GAN: variants seen among roughly 807,000 people sequenced by gnomAD.
The protein encoded by GAN is gigaxonin, also known as epididymis secretory sperm binding protein.
GAN carries 48 observed loss-of-function variants against 71.3 expected under a neutral mutation model. The ratio of observed to expected loss-of-function variants is 0.67; its 90% CI spans 0.53 to 0.86. The LOEUF (loss-of-function observed/expected upper bound fraction) is 0.86. Ranked by LOEUF, GAN falls within the 40% of genes least tolerant of loss-of-function variation. The pLI is 0.00. For missense variants in GAN, 928 were observed against 770.1 expected (o/e 1.21, Z -2.43); for synonymous variants, 386 against 276.8 (o/e 1.39, Z -3.92).
intron 4 of GAN, 61 bp from the exon 5 acceptor site, chr16:81,357,749 C>G: frequency 8.2e-6 from 12 of 1,461,668 alleles, no homozygotes; most frequent in Non-Finnish European, 1.2e-5. Flanking sequence ...CTAGTGATGG[C>G]TACTTATAAA....
At chr16:81,359,698 C>T (rs566636212) in intron 5 of GAN, among the ~76,000 whole-genome samples, 2 of 152,140 alleles carry the variant, frequency 1.3e-5, no homozygotes, top group South Asian at 2.1e-4. Flanking sequence ...GGATGCATTC[C>T]AAGACCCCCG....
Position 81,386,188 on chromosome 16 carries a change from T to A in GAN, c.*8592T>A, listed in dbSNP as rs1904395168. On this transcript the variant is annotated 3_prime_UTR_variant, in exon 11 of 11. Transcript: ENST00000648994. ...AGTTTGTTATAAATAACCCTCTGTTTAGAATTTGCCCAGTGAAATTCTCTA... is the reference window on the plus strand; with the variant it reads ...AGTTTGTTATAAATAACCCTCTGTTAAGAATTTGCCCAGTGAAATTCTCTA... 1.3e-5 allele frequency: 2 copies of A among 152,250 alleles called. No individual in the cohort carries two copies. Among genetic ancestry groups the A allele is most frequent in the South Asian group, 4.1e-4 (2 of 4,836 alleles). The allele number at this position is 152,250 out of a possible 1,614,324, so 9.4% of individuals were successfully genotyped here. A position where few individuals can be genotyped will look rare whatever the true frequency, so the allele number is the denominator to read the frequency against.
intron 9 of GAN, among the ~76,000 whole-genome samples, chr16:81,373,164 G>A (rs774048042): frequency 6.6e-6 from 1 of 152,196 alleles, no homozygotes; most frequent in Non-Finnish European, 1.5e-5. Flanking sequence ...GGAAATAATT[G>A]TACATTTCTC....
intron 4 of GAN, 115 bp from the exon 5 acceptor site, chr16:81,357,695 A>C (rs1160572434): frequency 4.0e-6 from 4 of 1,011,490 alleles, no homozygotes; most frequent in South Asian, 1.3e-5. Context: ...GACTTCCACA[A>C]GGGTTTTTAA....
chr16:81,363,912 C>T lies in GAN; in HGVS notation c.1205C>T (p.Thr402Ile). Residue 402 changes from threonine (T) to isoleucine (I), a missense_variant, in exon 7 of 11, where the codon ACA becomes ATA. Coordinates refer to ENST00000648994, the MANE Select transcript of GAN (RefSeq NM_022041.4). ...TACGATATTTATTCTAAAACCTGGA[C>T]AAAGCAACCTGATTTGACCATGGTC... ...ECYDIYSKTW[T>I]KQPDLTMVRK... 7 of 1,613,464 alleles carry T rather than the reference C, an allele frequency of 4.3e-6. No individual in the cohort carries two copies. Among genetic ancestry groups the T allele is most frequent in the Non-Finnish European group, 5.9e-6 (7 of 1,179,388 alleles).
intron 8 of GAN, 81 bp from the exon 9 acceptor site, chr16:81,365,269 T>G (rs1910814095): frequency 1.3e-6 from 2 of 1,590,086 alleles, no homozygotes; most frequent in African/African-American, 1.3e-5. Context: ...GCTGCAGAGT[T>G]AAACCAGCAT....
intron 1 of GAN, among the ~76,000 whole-genome samples, chr16:81,315,736 G>T (rs895225654): frequency 6.6e-6 from 1 of 152,230 alleles, no homozygotes; most frequent in African/African-American, 2.4e-5. Context: ...CCAGTCGCTC[G>T]CCTCTGAATC....
chr16:81,357,354 G>T (rs1431283682), intron 4 of GAN, among the ~76,000 whole-genome samples: 1 of 152,090 alleles, frequency 6.6e-6, no homozygotes, highest in Non-Finnish European at 1.5e-5. Context: ...AGAATATGCG[G>T]TGTTTGGTTT....
At position 81,378,532 on chromosome 16, in the gene GAN, C is replaced by T. The variant is rs552774303; in HGVS notation, c.*936C>T. On this transcript the variant is annotated 3_prime_UTR_variant, in exon 11 of 11. Coordinates refer to ENST00000648994, the MANE Select transcript of GAN (RefSeq NM_022041.4). ...ACAAAAAAGCTATCCAGACAAAATA[C>T]ATAGGGATCAGAAACTTTTTCATAT... 6.6e-6 allele frequency: 1 copy of T among 152,282 alleles called. No individual in the cohort carries two copies. Among genetic ancestry groups the T allele is most frequent in the African/African-American group, 2.4e-5 (1 of 41,448 alleles). The allele number at this position is 152,282 out of a possible 1,614,324, so 9.4% of individuals were successfully genotyped here. A position where few individuals can be genotyped will look rare whatever the true frequency, so the allele number is the denominator to read the frequency against.
chr16:81,385,310 A>G lies in GAN; in HGVS notation c.*7714A>G, dbSNP rs1904367260. The stretch of plus-strand genomic sequence containing the variant: ...GAACAAAGGCTTATTCCTTTAACTT[A>G]AACCCCAAACTTTGTTATTTTAATT... On this transcript the variant is annotated 3_prime_UTR_variant, in exon 11 of 11. Transcript: ENST00000648994. 1 of 152,176 alleles carries G rather than the reference A, an allele frequency of 6.6e-6. No homozygotes were observed. Among genetic ancestry groups the G allele is most frequent in the Admixed American group, 6.5e-5 (1 of 15,278 alleles). 9.4% of individuals were successfully genotyped at this position (152,176 alleles called of 1,614,324 possible). A position where few individuals can be genotyped will look rare whatever the true frequency, so the allele number is the denominator to read the frequency against.
In GAN at chr16:81,380,616, C is replaced by T. The variant is rs1904300234; in HGVS notation, c.*3020C>T. On this transcript the variant is annotated 3_prime_UTR_variant, in exon 11 of 11. Coordinates refer to ENST00000648994, the MANE Select transcript of GAN (RefSeq NM_022041.4). Reference sequence around the variant, plus strand: ...GACCTGATAAATGTATTTGTGTTTACTTTTTGAATTGTAGTTCTAAACTAC... The same window carrying T: ...GACCTGATAAATGTATTTGTGTTTATTTTTTGAATTGTAGTTCTAAACTAC... The T allele has an allele frequency of 6.6e-6, 1 of 152,060 alleles. No individual in the cohort carries two copies. 9.4% of individuals were successfully genotyped at this position (152,060 alleles called of 1,614,324 possible).
intron 5 of GAN, 100 bp from the exon 6 acceptor site, chr16:81,362,399 C>A: frequency 1.3e-6 from 1 of 741,924 alleles, no homozygotes; most frequent in East Asian, 2.6e-5. Context: ...ACATTGTTGT[C>A]ATCAGAGAGT....
chr16:81,337,328 A>G (rs906102557), intron 1 of GAN, among the ~76,000 whole-genome samples: 2 of 152,170 alleles, frequency 1.3e-5, no homozygotes, highest in Non-Finnish European at 2.9e-5. Flanking sequence ...AATCACCCCC[A>G]AATTTCTGCA....
At chr16:81,368,443 G>C in intron 9 of GAN, among the ~76,000 whole-genome samples, 1 of 152,086 alleles carries the variant, frequency 6.6e-6, no homozygotes, top group East Asian at 1.9e-4. Flanking sequence ...TATGAATTTT[G>C]AAAAAATTCA....
intron 1 of GAN, among the ~76,000 whole-genome samples, chr16:81,343,251 T>C (rs1910006362): frequency 6.6e-6 from 1 of 152,154 alleles, no homozygotes; most frequent in African/African-American, 2.4e-5. Flanking sequence ...AAAGGGGGAA[T>C]CCTCACTAAC....
Position 81,378,397 on chromosome 16 carries a change from T to C in GAN, c.*801T>C, listed in dbSNP as rs1481398108. ...CTGCAGTGCCATTCTGCCTTCTCAATGAGCAAAACCATTTTCTAAGTATGA... is the reference window on the plus strand; with the variant it reads ...CTGCAGTGCCATTCTGCCTTCTCAACGAGCAAAACCATTTTCTAAGTATGA... On this transcript the variant is annotated 3_prime_UTR_variant, in exon 11 of 11. Transcript: ENST00000648994. 2 of 152,304 alleles carry C rather than the reference T, an allele frequency of 1.3e-5. No homozygotes were observed. Among genetic ancestry groups the C allele is most frequent in the East Asian group, 3.9e-4 (2 of 5,182 alleles). The allele number at this position is 152,304 out of a possible 1,614,324, so 9.4% of individuals were successfully genotyped here. A position where few individuals can be genotyped will look rare whatever the true frequency, so the allele number is the denominator to read the frequency against.
Position 81,377,701 on chromosome 16 carries a change from T to A in GAN, c.*105T>A. ...CTGAAACTCACTCTGTGCTGGGCTT[T>A]GGTATGGTAACTCTTTGGTGGTTTT... On this transcript the variant is annotated 3_prime_UTR_variant, in exon 11 of 11. Coordinates refer to ENST00000648994, the MANE Select transcript of GAN (RefSeq NM_022041.4). The A allele has an allele frequency of 9.7e-7, 1 of 1,026,874 alleles. No homozygotes were observed. Among genetic ancestry groups the A allele is most frequent in the East Asian group, 2.4e-5 (1 of 42,242 alleles). The allele number at this position is 1,026,874 out of a possible 1,614,324, so 63.6% of individuals were successfully genotyped here.
intron 8 of GAN, 63 bp downstream of exon 8, chr16:81,365,173 A>G (rs767738762): frequency 1.0e-4 from 158 of 1,585,496 alleles, no homozygotes; most frequent in Non-Finnish European, 1.3e-4. Context: ...GGAGCCCCTT[A>G]CCCTGCCTGG....
chr16:81,351,583 G>A lies in GAN; in HGVS notation c.168G>A (p.Arg56=). ...TTTTACATTTTTTTCCCTTTCTTAG[G>A]ACAAAGTTAAACTATAATCCTCCAA... ...NILAAASPYI[R]TKLNYNPPKD... Residue 56 remains arginine (R), a splice_region_variant and synonymous_variant, in exon 2 of 11, where the codon AGG becomes AGA. Transcript: ENST00000648994. The A allele has an allele frequency of 3.0e-6, 4 of 1,317,578 alleles. No individual in the cohort carries two copies. The highest frequency in any genetic ancestry group is 4.4e-6 in the Non-Finnish European group (4 of 909,672). The allele number at this position is 1,317,578 out of a possible 1,614,324, so 81.6% of individuals were successfully genotyped here. A position where few individuals can be genotyped will look rare whatever the true frequency, so the allele number is the denominator to read the frequency against.
Sources: gnomAD v4.1 joint callset for allele counts (sites outside exome capture counted in the v4.1 genomes callset) on GRCh38, gnomAD v4.1.1 for gene constraint, MANE v1.5 for transcripts, NCBI Gene and HGNC (gene_info 2026-07-23, HGNC 2026-07-21) for gene names.